The following HMGXB3 variants were observed in gnomAD, a reference collection of about 807,000 sequenced individuals.
The protein encoded by HMGXB3 is HMG-box containing 3, also known as HMG domain-containing protein 3.
HMGXB3 carries 45 observed loss-of-function variants against 121.5 expected under a neutral mutation model. That is an observed-to-expected ratio of 0.37 (90% CI 0.29 to 0.47). HMGXB3 has a LOEUF of 0.47. Ranked by LOEUF, HMGXB3 falls within the 20% of genes least tolerant of loss-of-function variation. The pLI, the probability that HMGXB3 is intolerant of heterozygous loss-of-function variation, is 0.99. For synonymous variants in HMGXB3, 590 were observed against 624.1 expected, an observed-to-expected ratio of 0.95 and a Z score of 0.81; for missense variants, 1,376 against 1,602.2, an observed-to-expected ratio of 0.86 and a Z score of 2.41.
rs369231982 is a variant in HMGXB3 at position 150,052,290 on chromosome 5, G to A, written c.*98G>A. 1.3e-5 allele frequency: 13 copies of A among 964,282 alleles called. No individual in the cohort carries two copies. In the Admixed American group the frequency reaches 1.5e-4, roughly 11 times the overall value. The allele number at this position is 964,282 out of a possible 1,614,324, so 59.7% of individuals were successfully genotyped here. On this transcript the variant is annotated 3_prime_UTR_variant, in exon 20 of 20. Coordinates refer to ENST00000502717, the MANE Select transcript of HMGXB3 (RefSeq NM_014983.3). Reference sequence around the variant, plus strand: ...AGGGGACCTGCAGAAGTGGTCTCCTGTGGGGAGGGCCTCTGACTGCTGGGA... The same window carrying A: ...AGGGGACCTGCAGAAGTGGTCTCCTATGGGGAGGGCCTCTGACTGCTGGGA...
chr5:150,049,138 T>C (rs1405592848), intron 18 of HMGXB3, among the ~76,000 whole-genome samples: 1 of 151,168 alleles, frequency 6.6e-6, no homozygotes, highest in Non-Finnish European at 1.5e-5. Flanking sequence ...AGGGAAGGAG[T>C]GTCACAGCCA....
intron 5 of HMGXB3, among the ~76,000 whole-genome samples, chr5:150,013,608 G>T (rs1166726225): frequency 6.6e-6 from 1 of 152,122 alleles, no homozygotes; most frequent in Non-Finnish European, 1.5e-5. Flanking sequence ...TTCCTTAAAT[G>T]GTAGTATTAC....
At chr5:150,048,440 C>T (rs1756811898) in intron 17 of HMGXB3, 129 bp from the exon 18 acceptor site, 8 of 676,532 alleles carry the variant, frequency 1.2e-5, no homozygotes, top group South Asian at 9.9e-5. Context: ...TGATGAGGCT[C>T]CAAGGCCCGC....
At position 150,027,199 on chromosome 5, in the gene HMGXB3, C is replaced by T; in HGVS notation, c.1734+82C>T. The T allele has an allele frequency of 2.9e-6, 3 of 1,039,666 alleles. No homozygotes were observed. The South Asian group carries it at 5.2e-5, about 18-fold the overall frequency. 64.4% of individuals were successfully genotyped at this position (1,039,666 alleles called of 1,614,324 possible). On this transcript the variant is annotated intron_variant, in intron 9 of 19. Coordinates refer to ENST00000502717, the MANE Select transcript of HMGXB3 (RefSeq NM_014983.3). ...TGTATCAAAGCTATAGGTAAAGGCACATCCCATTTCTTACACGTTGGCAGA... is the reference window on the plus strand; with the variant it reads ...TGTATCAAAGCTATAGGTAAAGGCATATCCCATTTCTTACACGTTGGCAGA...
intron 11 of HMGXB3, among the ~76,000 whole-genome samples, chr5:150,033,130 C>T (rs1393404960): frequency 6.6e-6 from 1 of 152,092 alleles, no homozygotes; most frequent in African/African-American, 2.4e-5. Context: ...CCACTTGGCT[C>T]CTTAGGGCTG....
chr5:150,042,365 A>G (rs930772904), intron 15 of HMGXB3, among the ~76,000 whole-genome samples: 6 of 152,218 alleles, frequency 3.9e-5, no homozygotes, highest in Admixed American at 3.3e-4. Flanking sequence ...TGTGAAGCAC[A>G]GTAAAGCTGG....
At position 150,053,053 on chromosome 5, in the gene HMGXB3, T is replaced by C. The variant is rs1756977547; in HGVS notation, c.*861T>C. The stretch of plus-strand genomic sequence containing the variant: ...GTTTAGGGCCTGGGAATTGGCCATG[T>C]GTTAATTTATTGAGTGGAGTAGGTG... On this transcript the variant is annotated 3_prime_UTR_variant, in exon 20 of 20. Transcript: ENST00000502717. 5.8e-6 allele frequency: 1 copy of C among 172,626 alleles called. No homozygotes were observed. The highest frequency in any genetic ancestry group is 2.4e-5 in the African/African-American group (1 of 42,040). 10.7% of individuals were successfully genotyped at this position (172,626 alleles called of 1,614,324 possible). A position where few individuals can be genotyped will look rare whatever the true frequency, so the allele number is the denominator to read the frequency against.
chr5:150,015,789 TTC>T (rs1372192504), intron 5 of HMGXB3, among the ~76,000 whole-genome samples: 5 of 152,222 alleles, frequency 3.3e-5, no homozygotes, highest in African/African-American at 9.6e-5. Flanking sequence ...CCAGATATCT[TTC>T]TGTTATTGAT....
intron 13 of HMGXB3, 48 bp from the exon 14 acceptor site, chr5:150,040,696 TGCCA>T: frequency 6.6e-7 from 1 of 1,521,548 alleles, no homozygotes; most frequent in Admixed American, 2.1e-5. Context: ...TTCTATTTTT[TGCCA>T]TTGTGTATGA....
intron 15 of HMGXB3, among the ~76,000 whole-genome samples, 190 bp downstream of exon 15, chr5:150,042,159 G>T (rs1427661414): frequency 1.3e-5 from 2 of 152,160 alleles, no homozygotes; most frequent in Non-Finnish European, 1.5e-5. Flanking sequence ...TGTTTATTCA[G>T]TTACTCACTT....
chr5:150,036,466 C>A (rs920978024), intron 11 of HMGXB3, among the ~76,000 whole-genome samples, 170 bp from the exon 12 acceptor site: 1 of 152,146 alleles, frequency 6.6e-6, no homozygotes, highest in Non-Finnish European at 1.5e-5. Flanking sequence ...AGAAAAATAA[C>A]CAGCCTTTAG....
chr5:150,036,598 G>A (rs1020086525), intron 11 of HMGXB3, 38 bp from the exon 12 acceptor site: 67 of 1,484,100 alleles, frequency 4.5e-5, no homozygotes, highest in Non-Finnish European at 5.4e-5. Flanking sequence ...GGCTCTTTCT[G>A]CTCTGAGTGC....
intron 15 of HMGXB3, among the ~76,000 whole-genome samples, chr5:150,042,172 A>C (rs1414334202): frequency 6.6e-6 from 1 of 152,252 alleles, no homozygotes; most frequent in Non-Finnish European, 1.5e-5. Context: ...ACTCACTTGA[A>C]AAATGTATTT....
intron 14 of HMGXB3, among the ~76,000 whole-genome samples, chr5:150,041,317 T>C (rs1289083681): frequency 6.6e-6 from 1 of 152,198 alleles, no homozygotes; most frequent in African/African-American, 2.4e-5. Context: ...CCCATTCCTA[T>C]AGGCTCCAAT....
chr5:150,024,283 G>A lies in HMGXB3; in HGVS notation c.1063G>A (p.Val355Met), dbSNP rs772039559. The A allele has an allele frequency of 6.5e-7, 1 of 1,535,760 alleles. No individual in the cohort carries two copies. The highest frequency in any genetic ancestry group is 1.2e-5 in the South Asian group (1 of 81,186). ...CTAGGAAAAGCCAGCCAAAGTAAAA[G>A]TGGAATTGGCTTCTGGCGTCTCTTC... is the stretch of plus-strand genomic sequence containing the variant. Reference protein sequence around the residue: ...IPKEKPAKVKVELASGVSSKG... With the variant: ...IPKEKPAKVKMELASGVSSKG... The change falls in exon 7 of 20, where the codon GTG becomes ATG. Residue 355 changes from valine to methionine, a missense_variant. Val to Met is a conservative substitution (Grantham distance 21). Transcript: ENST00000502717.
intron 4 of HMGXB3, among the ~76,000 whole-genome samples, chr5:150,011,334 G>A (rs1755831280): frequency 6.6e-6 from 1 of 152,222 alleles, no homozygotes; most frequent in Admixed American, 6.5e-5. Context: ...TCCCCTAGAA[G>A]TGGAAGTGGA....
At position 150,052,212 on chromosome 5, in the gene HMGXB3, A is replaced by G. The variant is rs1408214627; in HGVS notation, c.*20A>G. ...GAATAAGCCAGGCTGTTGTACAGGGACTACACCATCTCTCAAGCCATAGTA... is the reference window on the plus strand; with the variant it reads ...GAATAAGCCAGGCTGTTGTACAGGGGCTACACCATCTCTCAAGCCATAGTA... On this transcript the variant is annotated 3_prime_UTR_variant, in exon 20 of 20. Transcript: ENST00000502717. 6 of 1,505,094 alleles carry G rather than the reference A, an allele frequency of 4.0e-6. No homozygotes were observed. In the African/African-American group the frequency reaches 4.1e-5, roughly 10 times the overall value. The allele number at this position is 1,505,094 out of a possible 1,614,324, so 93.2% of individuals were successfully genotyped here.
Position 150,033,324 on chromosome 5 carries a change from G to C in HMGXB3, c.1983+721G>C, listed in dbSNP as rs541544507. Among the ~76,000 whole-genome samples, 19 of 152,310 alleles carry C rather than the reference G, an allele frequency of 1.2e-4. No homozygotes were observed. In the East Asian group the frequency reaches 3.3e-3, roughly 26 times the overall value. The stretch of plus-strand genomic sequence containing the variant: ...TTGGGGAAAGAGGGGATGGCACACA[G>C]AACAGGTCAGGACCTGAGATGGAGC... On this transcript the variant is annotated intron_variant, in intron 11 of 19. Coordinates refer to ENST00000502717, the MANE Select transcript of HMGXB3 (RefSeq NM_014983.3).
chr5:150,008,446 C>A (rs1755758541), intron 3 of HMGXB3, among the ~76,000 whole-genome samples: 2 of 152,152 alleles, frequency 1.3e-5, no homozygotes, highest in African/African-American at 2.4e-5. Flanking sequence ...AAATATTACC[C>A]TTTAGTAGAT....
Sources: gnomAD v4.1 joint callset for allele counts (sites outside exome capture counted in the v4.1 genomes callset) on GRCh38, gnomAD v4.1.1 for gene constraint, MANE v1.5 for transcripts, NCBI Gene and HGNC (gene_info 2026-07-23, HGNC 2026-07-21) for gene names.